Variants in DRG1 observed in about 807,000 individuals in gnomAD.
DRG1 encodes developmentally-regulated GTP-binding protein 1.
Under a neutral mutation model 38.8 loss-of-function variants are expected in DRG1, and 19 were observed. The observed-to-expected ratio is 0.49, with a 90% CI of 0.34 to 0.72. The LOEUF is 0.72. Ranked by LOEUF, DRG1 falls within the 30% of genes least tolerant of loss-of-function variation. DRG1 has a pLI of 0.01. For synonymous variants in DRG1, 167 were observed against 157.5 expected (o/e 1.06, Z -0.45); for missense variants, 299 against 444.8 (o/e 0.67, Z 2.95).
chr22:31,407,995 G>A (rs1490759464), intron 3 of DRG1, among the ~76,000 whole-genome samples: 2 of 150,194 alleles, frequency 1.3e-5, no homozygotes, highest in Non-Finnish European at 3.0e-5. Flanking sequence ...GCATGGTGGC[G>A]GGCACCTGTA....
chr22:31,433,736 G>C, intron 8 of DRG1, 136 bp from the exon 9 acceptor site: 1 of 651,580 alleles, frequency 1.5e-6, no homozygotes, highest in Non-Finnish European at 2.6e-6. Context: ...CATGCTGCTA[G>C]GGAAGATAAA....
At chr22:31,406,916 CT>C (rs2049992504) in intron 3 of DRG1, among the ~76,000 whole-genome samples, 1 of 152,118 alleles carries the variant, frequency 6.6e-6, no homozygotes, top group South Asian at 2.1e-4. Flanking sequence ...TTAGCTATTT[CT>C]GTCTATTTGT....
intron 8 of DRG1, among the ~76,000 whole-genome samples, chr22:31,431,752 C>G (rs140010726): frequency 3.3e-5 from 5 of 152,296 alleles, no homozygotes; most frequent in African/African-American, 1.2e-4. Flanking sequence ...CCTTCAGATC[C>G]TTACATATAA....
At chr22:31,422,911 C>G (rs1314762848) in intron 5 of DRG1, among the ~76,000 whole-genome samples, 1 of 152,134 alleles carries the variant, frequency 6.6e-6, no homozygotes, top group Non-Finnish European at 1.5e-5. Context: ...CTCTGTGTGT[C>G]TGTGTCCTAA....
At chr22:31,408,527 C>A (rs1286318004) in intron 3 of DRG1, among the ~76,000 whole-genome samples, 1 of 151,598 alleles carries the variant, frequency 6.6e-6, no homozygotes, top group Non-Finnish European at 1.5e-5. Flanking sequence ...GCGAGCAGAT[C>A]ACTTGAGGTC....
intron 2 of DRG1, among the ~76,000 whole-genome samples, chr22:31,401,959 G>A (rs1413582464): frequency 1.3e-5 from 2 of 151,994 alleles, no homozygotes; most frequent in Admixed American, 1.3e-4. Context: ...GCCGAGGCAG[G>A]AGAATCGCTT....
intron 2 of DRG1, among the ~76,000 whole-genome samples, chr22:31,401,345 G>A (rs1322105017): frequency 2.0e-5 from 3 of 152,038 alleles, no homozygotes; most frequent in Middle Eastern, 3.4e-3. Flanking sequence ...CACTTTGGGA[G>A]GCCAAGGCGT....
chr22:31,423,156 C>T (rs6518745), intron 5 of DRG1, 124 bp from the exon 6 acceptor site: 561,928 of 1,203,288 alleles, frequency 0.47, 137,539 homozygotes, highest in Middle Eastern at 0.57. Context: ...GACACTCATC[C>T]CGGATGTATT....
At chr22:31,405,926 G>T (rs2049987771) in intron 3 of DRG1, among the ~76,000 whole-genome samples, 1 of 151,840 alleles carries the variant, frequency 6.6e-6, no homozygotes, top group Non-Finnish European at 1.5e-5. Flanking sequence ...GACTTCAGGT[G>T]ATCCACCCGC....
At chr22:31,432,415 TTGTG>T (rs774738177) in intron 8 of DRG1, among the ~76,000 whole-genome samples, 7 of 151,162 alleles carry the variant, frequency 4.6e-5, no homozygotes, top group East Asian at 4.0e-4. Flanking sequence ...TTTGTGTTTT[TTGTG>T]TGTGTGTGTG....
intron 4 of DRG1, among the ~76,000 whole-genome samples, chr22:31,418,579 C>G (rs974440867): frequency 2.6e-5 from 4 of 152,280 alleles, no homozygotes; most frequent in African/African-American, 9.6e-5. Flanking sequence ...ATGATCTCGG[C>G]TCACTGCAAC....
chr22:31,413,343 C>T (rs1185373290), intron 4 of DRG1, among the ~76,000 whole-genome samples: 1 of 151,898 alleles, frequency 6.6e-6, no homozygotes, highest in Non-Finnish European at 1.5e-5. Context: ...ATCCTCCTGC[C>T]TTGACCTCCC....
intron 3 of DRG1, among the ~76,000 whole-genome samples, chr22:31,406,524 C>T (rs747581580): frequency 6.6e-6 from 1 of 151,722 alleles, no homozygotes; most frequent in Non-Finnish European, 1.5e-5. Flanking sequence ...CCTGTCTCTA[C>T]TAAAAATAAA....
At chr22:31,408,331 A>C (rs2050000612) in intron 3 of DRG1, among the ~76,000 whole-genome samples, 2 of 146,926 alleles carry the variant, frequency 1.4e-5, no homozygotes, top group Admixed American at 6.8e-5. Context: ...TTTAGTAGAG[A>C]CAGGGTTTCA....
chr22:31,433,183 G>T (rs2050150527), intron 8 of DRG1, among the ~76,000 whole-genome samples: 1 of 151,642 alleles, frequency 6.6e-6, no homozygotes, highest in African/African-American at 2.4e-5. Flanking sequence ...AGCAAAAACA[G>T]GTATTCTCTA....
At chr22:31,420,156 G>T in intron 4 of DRG1, 100 bp from the exon 5 acceptor site, 1 of 1,354,672 alleles carries the variant, frequency 7.4e-7, no homozygotes, top group South Asian at 1.4e-5. Context: ...AAAATCCTTT[G>T]ACACTTAAAT....
intron 4 of DRG1, among the ~76,000 whole-genome samples, chr22:31,413,189 C>T (rs2050027208): frequency 6.6e-6 from 1 of 151,926 alleles, no homozygotes. Context: ...ACCATGAACT[C>T]ATAGGCTCAA....
In DRG1 at chr22:31,420,384, T is replaced by C; in HGVS notation, c.541T>C (p.Phe181Leu). 1 of 1,614,186 alleles carries C rather than the reference T, an allele frequency of 6.2e-7. No individual in the cohort carries two copies. Among genetic ancestry groups the C allele is most frequent in the Non-Finnish European group, 8.5e-7 (1 of 1,180,030 alleles). Reference sequence around the variant, plus strand: ...GAACAGCAAACCCCCCAACATTGGCTTTAAGAAGAAGGACAAGGGAGGCAT... The same window carrying C: ...GAACAGCAAACCCCCCAACATTGGCCTTAAGAAGAAGGACAAGGGAGGCAT... ...RLNSKPPNIG[F>L]KKKDKGGINL... The change falls in exon 5 of 9, where the codon TTT becomes CTT. Residue 181 changes from phenylalanine to leucine, a missense_variant. Phe to Leu is a conservative substitution (Grantham distance 22, BLOSUM62 0). Around this residue, in one of 3 missense-constraint regions of DRG1, gnomAD observed 198 missense variants for 268.1 expected, o/e 0.74. Transcript: ENST00000331457.
chr22:31,410,347 C>T (rs1449159874), intron 3 of DRG1, among the ~76,000 whole-genome samples: 3 of 151,232 alleles, frequency 2.0e-5, no homozygotes, highest in Non-Finnish European at 2.9e-5. Context: ...CCCAGCTACT[C>T]GGGAATTTGA....
Sources: allele counts gnomAD v4.1 joint callset (sites outside exome capture counted in the v4.1 genomes callset), GRCh38; gene constraint gnomAD v4.1.1; regional missense constraint gnomAD v4.1.1; transcripts MANE v1.5; gene names NCBI Gene and HGNC (gene_info 2026-07-23, HGNC 2026-07-21).